NAV3: variants seen among roughly 807,000 people sequenced by gnomAD.
NAV3 encodes the protein neuron navigator 3.
NAV3 carries 87 observed loss-of-function variants against 244.7 expected under a neutral mutation model. The ratio of observed to expected loss-of-function variants is 0.36; its 90% confidence interval spans 0.30 to 0.42. The LOEUF is 0.42. NAV3 is among the 20% of genes least tolerant of loss of function. The probability of loss-of-function intolerance (pLI) is 1.00; values close to 1 mark genes in which losing one functional copy is unlikely to be tolerated. For synonymous variants in NAV3, 1,126 were observed against 1,042.2 expected (o/e 1.08, Z -1.55); for missense variants, 2,663 against 2,893.3 (o/e 0.92, Z 1.83).
chr12:77,979,403 A>C (rs1164645295), intron 5 of NAV3, among the ~76,000 whole-genome samples: 1 of 151,894 alleles, frequency 6.6e-6, no homozygotes, highest in African/African-American at 2.4e-5. Context: ...ATATATATAG[A>C]AAAAAATACA....
intron 1 of NAV3, among the ~76,000 whole-genome samples, chr12:77,874,400 T>C (rs879719088): frequency 2.6e-5 from 4 of 151,878 alleles, no homozygotes; most frequent in Non-Finnish European, 5.9e-5. Context: ...TTTTAAATTT[T>C]TTATAGAGAT....
chr12:77,736,329 C>A (rs1877332698), intron 2 of NAV3, among the ~76,000 whole-genome samples: 1 of 152,186 alleles, frequency 6.6e-6, no homozygotes. Flanking sequence ...TATTTCTTAA[C>A]AAACACCTCA....
intron 13 of NAV3, 142 bp downstream of exon 13, chr12:78,117,046 C>A: frequency 1.1e-6 from 1 of 915,172 alleles, no homozygotes; most frequent in Admixed American, 2.5e-5. Context: ...TAAGGACTCC[C>A]TTTGCCACTC....
intron 2 of NAV3, among the ~76,000 whole-genome samples, chr12:77,824,370 G>C (rs1233255543): frequency 6.7e-6 from 1 of 150,202 alleles, no homozygotes; most frequent in Non-Finnish European, 1.5e-5. Flanking sequence ...TGGGATTACA[G>C]GCATGCGCCA....
At chr12:77,939,551 G>A (rs1205281873) in intron 1 of NAV3, among the ~76,000 whole-genome samples, 4 of 151,988 alleles carry the variant, frequency 2.6e-5, no homozygotes, top group African/African-American at 4.8e-5. Context: ...CTTACAATTA[G>A]TAAGTATTCT....
At chr12:77,613,211 C>T (rs1032121483) in intron 2 of NAV3, among the ~76,000 whole-genome samples, 1 of 152,186 alleles carries the variant, frequency 6.6e-6, no homozygotes, top group Admixed American at 6.5e-5. Flanking sequence ...AGAGTTTGCT[C>T]AGAATAGAAT....
At chr12:77,833,304 G>T (rs74106562) in intron 1 of NAV3, among the ~76,000 whole-genome samples, 2,321 of 142,870 alleles carry the variant, frequency 0.016, 41 homozygotes, top group African/African-American at 0.054. Context: ...TTAAATAGTA[G>T]TTGGATGAAT....
intron 1 of NAV3, among the ~76,000 whole-genome samples, chr12:77,848,066 T>C (rs768109140): frequency 1.1e-4 from 16 of 152,184 alleles, no homozygotes; most frequent in Non-Finnish European, 1.8e-4. Flanking sequence ...CAGACTTTTA[T>C]TTACAGAACA....
chr12:77,751,847 G>T (rs10506757), intron 2 of NAV3, among the ~76,000 whole-genome samples: 7,849 of 152,090 alleles, frequency 0.052, 679 homozygotes, highest in African/African-American at 0.18. Flanking sequence ...GAGCTTATAC[G>T]CAGTTGTTCT....
chr12:77,973,009 A>T lies in NAV3; in HGVS notation c.671+4307A>T, dbSNP rs1893124112. On this transcript the variant is annotated intron_variant, in intron 5 of 39. Coordinates refer to ENST00000397909, the MANE Select transcript of NAV3 (RefSeq NM_001024383.2). ...TACAGTAAAAAAAAAATAAAATGAA[A>T]CTTAATTTTTCTTATGTACTGACCT... Among the ~76,000 whole-genome samples, 6 of 152,120 alleles carry T rather than the reference A, an allele frequency of 3.9e-5. No individual in the cohort carries two copies. In the South Asian group the frequency reaches 1.2e-3, roughly 32 times the overall value.
chr12:77,915,217 T>A (rs1195882305), intron 1 of NAV3, among the ~76,000 whole-genome samples: 1 of 152,082 alleles, frequency 6.6e-6, no homozygotes, highest in Non-Finnish European at 1.5e-5. Flanking sequence ...TAGTGTGTAA[T>A]TAATGCTTAT....
In NAV3 at chr12:78,128,723, G is replaced by T. The variant is rs377221679; in HGVS notation, c.4298G>T (p.Arg1433Leu). ...TTTTGCAGATATACCCCATCATCTC[G>T]GCAGGCCAACCAAGAAGAGGGCAAA... ...KKGLRYTPSS[R>L]QANQEEGKEW... Residue 1433 changes from arginine (R) to leucine (L), a missense_variant, in exon 18 of 40, where the codon CGG becomes CTG. This residue lies in a region of NAV3 where 354 missense variants were observed against 413.0 expected (regional missense o/e 0.86). Coordinates refer to ENST00000397909, the MANE Select transcript of NAV3 (RefSeq NM_001024383.2). 6.2e-7 allele frequency: 1 copy of T among 1,613,728 alleles called. No homozygotes were observed. Among genetic ancestry groups the T allele is most frequent in the Non-Finnish European group, 8.5e-7 (1 of 1,179,848 alleles).
chr12:77,742,044 G>A (rs887089944), intron 2 of NAV3, among the ~76,000 whole-genome samples: 25 of 151,782 alleles, frequency 1.6e-4, no homozygotes, highest in East Asian at 5.8e-4. Flanking sequence ...AATTATTACC[G>A]TGTACTCAAT....
chr12:77,856,642 T>C (rs1412999505), intron 1 of NAV3, among the ~76,000 whole-genome samples: 1 of 152,072 alleles, frequency 6.6e-6, no homozygotes, highest in Non-Finnish European at 1.5e-5. Context: ...AATAATAAAA[T>C]AACATTCTTA....
chr12:77,655,977 C>A (rs537722398), intron 2 of NAV3, among the ~76,000 whole-genome samples: 57 of 143,504 alleles, frequency 4.0e-4, no homozygotes, highest in Admixed American at 6.2e-4. Context: ...TGGAAAGGAA[C>A]AAACAGTACC....
At chr12:77,839,495 G>A (rs547983663) in intron 1 of NAV3, among the ~76,000 whole-genome samples, 7 of 152,228 alleles carry the variant, frequency 4.6e-5, no homozygotes, top group African/African-American at 1.7e-4. Flanking sequence ...CTTTGGCAAG[G>A]CAGTTAATAC....
rs1162563035 is a variant in NAV3 at position 77,941,192 on chromosome 12, C to T, written c.414+59C>T. 8.5e-6 allele frequency: 9 copies of T among 1,060,342 alleles called. No homozygotes were observed. The East Asian group carries it at 2.2e-4, about 26-fold the overall frequency. The allele number at this position is 1,060,342 out of a possible 1,614,324, so 65.7% of individuals were successfully genotyped here. ...TGATCTTCACTTCCAGAATTAATTGCATTTGTAAATGGATATTATTTTTTT... is the reference window on the plus strand; with the variant it reads ...TGATCTTCACTTCCAGAATTAATTGTATTTGTAAATGGATATTATTTTTTT... On this transcript the variant is annotated intron_variant, in intron 3 of 39. Coordinates refer to ENST00000397909, the MANE Select transcript of NAV3 (RefSeq NM_001024383.2).
At chr12:78,121,364 A>G (rs1955659692) in intron 15 of NAV3, among the ~76,000 whole-genome samples, 1 of 152,124 alleles carries the variant, frequency 6.6e-6, no homozygotes, top group Admixed American at 6.5e-5. Context: ...TGGGGAAAAT[A>G]CAGACAAACT....
chr12:77,866,034 A>G (rs1197770624), intron 1 of NAV3, among the ~76,000 whole-genome samples: 1 of 152,164 alleles, frequency 6.6e-6, no homozygotes, highest in African/African-American at 2.4e-5. Flanking sequence ...CATTTTTCCA[A>G]TATTAGTTTA....
Sources: gnomAD v4.1 joint callset for allele counts (sites outside exome capture counted in the v4.1 genomes callset) on GRCh38, gnomAD v4.1.1 for gene constraint, gnomAD v4.1.1 regional missense constraint, MANE v1.5 for transcripts, NCBI Gene and HGNC (gene_info 2026-07-23, HGNC 2026-07-21) for gene names.